Variants in SACM1L observed in about 807,000 individuals in gnomAD.
The protein encoded by SACM1L is SAC1 like phosphatidylinositide phosphatase.
A neutral mutation model predicts 89.5 loss-of-function variants in SACM1L; 32 were observed. That is an observed-to-expected ratio of 0.36 (90% CI 0.27 to 0.48). SACM1L has a LOEUF of 0.48. SACM1L is among the 20% of genes least tolerant of loss of function. The pLI is 0.99. For synonymous variants in SACM1L, 213 were observed against 232.8 expected (o/e 0.92, Z 0.77); for missense variants, 543 against 708.5 (o/e 0.77, Z 2.65).
At chr3:45,743,448 G>A in intron 19 of SACM1L, 85 bp from the exon 20 acceptor site, 1 of 1,413,748 alleles carries the variant, frequency 7.1e-7, no homozygotes, top group Non-Finnish European at 9.5e-7. Context: ...AAACTTTAAT[G>A]TTGCCAAAAT....
rs1324387994 is a variant in SACM1L, at chr3:45,743,691, C to T, written c.*22C>T. ...CTGAATTTGTATTTGTGGAAAGCGG[C>T]TTGGCTTGGAAGATTCCATTGTGCA... On this transcript the variant is annotated 3_prime_UTR_variant, in exon 20 of 20. Transcript: ENST00000389061. The T allele has an allele frequency of 6.2e-7, 1 of 1,606,984 alleles. No individual in the cohort carries two copies. Among genetic ancestry groups the T allele is most frequent in the African/African-American group, 1.3e-5 (1 of 74,740 alleles).
chr3:45,718,766 C>T (rs1698722803), intron 7 of SACM1L, among the ~76,000 whole-genome samples: 1 of 152,068 alleles, frequency 6.6e-6, no homozygotes, highest in African/African-American at 2.4e-5. Context: ...TTTTGCAACC[C>T]TTTACTCTGG....
intron 11 of SACM1L, among the ~76,000 whole-genome samples, chr3:45,725,460 C>T (rs1001570734): frequency 4.0e-5 from 6 of 151,750 alleles, no homozygotes; most frequent in African/African-American, 9.7e-5. Flanking sequence ...GTTTGTTTTT[C>T]GTTAGTGTAA....
At chr3:45,716,821 C>G (rs1001333334) in intron 7 of SACM1L, among the ~76,000 whole-genome samples, 2 of 152,156 alleles carry the variant, frequency 1.3e-5, no homozygotes, top group African/African-American at 4.8e-5. Context: ...GAAGTAAATA[C>G]ACTCACATTT....
In SACM1L at chr3:45,705,024, C is replaced by A. The variant is rs1698355026; in HGVS notation, c.131-111C>A. The A allele has an allele frequency of 7.6e-6, 5 of 658,314 alleles. No homozygotes were observed. In the South Asian group the frequency reaches 9.4e-5, roughly 12 times the overall value. 40.8% of individuals were successfully genotyped at this position (658,314 alleles called of 1,614,324 possible). A position where few individuals can be genotyped will look rare whatever the true frequency, so the allele number is the denominator to read the frequency against. On this transcript the variant is annotated intron_variant, in intron 2 of 19. Transcript: ENST00000389061. ...TTAAGGAATGTTGCTTTTCTTAGAACAAATCATGCAAATTGATGTAGTCAA... is the reference window on the plus strand; with the variant it reads ...TTAAGGAATGTTGCTTTTCTTAGAAAAAATCATGCAAATTGATGTAGTCAA...
At chr3:45,737,548 T>C (rs372729122) in intron 14 of SACM1L, 35 bp from the exon 15 acceptor site, 1 of 1,571,172 alleles carries the variant, frequency 6.4e-7, no homozygotes, top group Non-Finnish European at 8.6e-7. Flanking sequence ...CTAAAATCTA[T>C]TACACATAAA....
chr3:45,739,578 C>A lies in SACM1L; in HGVS notation c.1570-9C>A, dbSNP rs781266749. ...TTAAATGATGATCTCTTTCTATTGT[C>A]TTTTCCAGTTGCCTATTATCATGGT... is the stretch of plus-strand genomic sequence containing the variant. On this transcript the variant is annotated splice_polypyrimidine_tract_variant and intron_variant, in intron 18 of 19. Transcript: ENST00000389061. 6.2e-7 allele frequency: 1 copy of A among 1,613,644 alleles called. No homozygotes were observed.
At chr3:45,738,758 G>A (rs755069791) in intron 17 of SACM1L, 23 bp from the exon 18 acceptor site, 2 of 1,568,746 alleles carry the variant, frequency 1.3e-6, no homozygotes, top group African/African-American at 2.7e-5. Flanking sequence ...CTGAGTTTAC[G>A]AATTTCTTCC....
chr3:45,709,175 C>T (rs745726295), intron 4 of SACM1L, among the ~76,000 whole-genome samples: 5 of 152,198 alleles, frequency 3.3e-5, no homozygotes, highest in Non-Finnish European at 7.3e-5. Context: ...ATACCTGGCA[C>T]ACAGTAGGTC....
chr3:45,694,735 C>G (rs1478688765), intron 1 of SACM1L, among the ~76,000 whole-genome samples: 1 of 152,116 alleles, frequency 6.6e-6, no homozygotes, highest in Non-Finnish European at 1.5e-5. Context: ...TTTATGCACT[C>G]TGAAATATTT....
At chr3:45,699,445 T>TA in intron 1 of SACM1L, among the ~76,000 whole-genome samples, 1 of 143,396 alleles carries the variant, frequency 7.0e-6, no homozygotes, top group East Asian at 2.0e-4. Context: ...TGTTTTGTTT[T>TA]TATAAATTTA....
rs1055616436 is a variant in SACM1L, at chr3:45,689,809, C to T, written c.32+312C>T. ...TGCGGCCCTTCAGGGCACGCTTGTCCCCACTTTCTATGCAGAGCTACCGAC... is the reference window on the plus strand; with the variant it reads ...TGCGGCCCTTCAGGGCACGCTTGTCTCCACTTTCTATGCAGAGCTACCGAC... On this transcript the variant is annotated intron_variant, in intron 1 of 19. Transcript: ENST00000389061. The T allele has an allele frequency of 1.4e-4, 74 of 543,610 alleles. No homozygotes were observed. In the Middle Eastern group the frequency reaches 2.4e-3, roughly 18 times the overall value. The allele number at this position is 543,610 out of a possible 1,614,324, so 33.7% of individuals were successfully genotyped here. A position where few individuals can be genotyped will look rare whatever the true frequency, so the allele number is the denominator to read the frequency against.
intron 2 of SACM1L, 24 bp downstream of exon 2, chr3:45,703,559 G>C: frequency 6.8e-7 from 1 of 1,473,490 alleles, no homozygotes; most frequent in Non-Finnish European, 9.5e-7. Flanking sequence ...AGATTTAGAA[G>C]TTTAGGGAGA....
At chr3:45,699,752 C>T (rs1698223853) in intron 1 of SACM1L, among the ~76,000 whole-genome samples, 1 of 152,146 alleles carries the variant, frequency 6.6e-6, no homozygotes, top group Non-Finnish European at 1.5e-5. Flanking sequence ...AAACTTCTCA[C>T]CTCAAACGAT....
chr3:45,699,622 G>C (rs932847303), intron 1 of SACM1L, among the ~76,000 whole-genome samples: 3 of 152,046 alleles, frequency 2.0e-5, no homozygotes, highest in African/African-American at 7.2e-5. Flanking sequence ...CCATCTCCTG[G>C]GTTCAGGCAA....
intron 11 of SACM1L, among the ~76,000 whole-genome samples, chr3:45,729,664 G>A (rs573146834): frequency 9.9e-4 from 150 of 152,252 alleles, no homozygotes; most frequent in Non-Finnish European, 1.3e-3. Flanking sequence ...AGAAATTGGC[G>A]GATAATCCCA....
At position 45,717,365 on chromosome 3, in the gene SACM1L, T is replaced by G. The variant is rs375150251; in HGVS notation, c.578-2135T>G. Among the ~76,000 whole-genome samples, 16 of 152,342 alleles carry G rather than the reference T, an allele frequency of 1.1e-4. No homozygotes were observed. In the East Asian group the frequency reaches 2.3e-3, roughly 22 times the overall value. ...CTTGAAGTTTATAAATAGCGTAGTT[T>G]CATTTTTACAAAAAAGCAAGCTGCG... On this transcript the variant is annotated intron_variant, in intron 7 of 19. Transcript: ENST00000389061.
chr3:45,736,874 A>G (rs1358602530), intron 14 of SACM1L, among the ~76,000 whole-genome samples: 3 of 152,106 alleles, frequency 2.0e-5, no homozygotes, highest in Non-Finnish European at 4.4e-5. Context: ...GTTCTTACCC[A>G]GCTAAAGGTC....
chr3:45,737,211 T>C (rs955441489), intron 14 of SACM1L: 1 of 208,886 alleles, frequency 4.8e-6, no homozygotes, highest in African/African-American at 2.4e-5. Flanking sequence ...TGAGGGATGA[T>C]GCATGTGAGG....
Sources: gnomAD v4.1 joint callset for allele counts (sites outside exome capture counted in the v4.1 genomes callset) on GRCh38, gnomAD v4.1.1 for gene constraint, MANE v1.5 for transcripts, NCBI Gene and HGNC (gene_info 2026-07-23, HGNC 2026-07-21) for gene names.